The following SLC8A1 variants were observed in gnomAD, a reference collection of about 807,000 sequenced individuals.
SLC8A1 encodes sodium/calcium exchanger 1.
SLC8A1 carries 18 observed loss-of-function variants against 68.3 expected under a neutral mutation model. That is an observed-to-expected ratio of 0.26 (90% confidence interval 0.18 to 0.39). The LOEUF is 0.39. SLC8A1 is among the 10% of genes least tolerant of loss of function. The pLI is 1.00. For missense variants in SLC8A1, 985 were observed against 1,156.7 expected (o/e 0.85, Z 2.15); for synonymous variants, 475 against 415.5 (o/e 1.14, Z -1.74).
intron 2 of SLC8A1, among the ~76,000 whole-genome samples, chr2:40,221,934 G>T (rs901625317): frequency 1.3e-5 from 2 of 152,130 alleles, no homozygotes; most frequent in African/African-American, 4.8e-5. Context: ...CATTTAAATG[G>T]CCATACTGCC....
chr2:40,424,916 C>T (rs1263636534), intron 2 of SLC8A1, among the ~76,000 whole-genome samples: 1 of 151,786 alleles, frequency 6.6e-6, no homozygotes, highest in South Asian at 2.1e-4. Flanking sequence ...AAATACCAAA[C>T]AATATTTTGT....
chr2:40,248,546 T>C (rs1251405143), intron 2 of SLC8A1, among the ~76,000 whole-genome samples: 1 of 152,222 alleles, frequency 6.6e-6, no homozygotes, highest in Non-Finnish European at 1.5e-5. Context: ...TCTGGAACTG[T>C]GGGAAATACA....
intron 2 of SLC8A1, among the ~76,000 whole-genome samples, chr2:40,349,140 A>T (rs1198771242): frequency 1.3e-5 from 2 of 152,196 alleles, no homozygotes; most frequent in Non-Finnish European, 2.9e-5. Flanking sequence ...AAATGAAGGA[A>T]AATTAAGAGT....
At position 40,383,204 on chromosome 2, in the gene SLC8A1, A is replaced by G. The variant is rs562890641; in HGVS notation, c.1808+45269T>C. Among the ~76,000 whole-genome samples, 266 of 152,234 alleles carry G rather than the reference A, an allele frequency of 1.7e-3. 1 individual carries two copies. The highest frequency in any genetic ancestry group is 6.1e-3 in the African/African-American group (252 of 41,570). ...ATAATAAACATAAATCATGGAGCAA[A>G]GTTTCATGAATTTTTCACATTTTTT... On this transcript the variant is annotated intron_variant, in intron 2 of 7. Coordinates refer to ENST00000406785, the Ensembl canonical transcript of SLC8A1.
At chr2:40,179,808 G>T (rs1370879980) in intron 2 of SLC8A1, among the ~76,000 whole-genome samples, 1 of 152,100 alleles carries the variant, frequency 6.6e-6, no homozygotes, top group Non-Finnish European at 1.5e-5. Context: ...CTAATATGAA[G>T]GAGTCATAGG....
At chr2:40,179,656 C>T (rs1402990378) in intron 2 of SLC8A1, among the ~76,000 whole-genome samples, 1 of 152,172 alleles carries the variant, frequency 6.6e-6, no homozygotes, top group Non-Finnish European at 1.5e-5. Context: ...GGAATTTTAA[C>T]AGCATGGCCA....
intron 2 of SLC8A1, among the ~76,000 whole-genome samples, chr2:40,411,698 G>T (rs1023052229): frequency 9.9e-5 from 15 of 151,910 alleles, no homozygotes; most frequent in Admixed American, 9.9e-4. Flanking sequence ...AGACTTTAAA[G>T]AATTTTATTC....
At chr2:40,200,247 T>TATATAAAA (rs1558723396) in intron 2 of SLC8A1, among the ~76,000 whole-genome samples, 26 of 18,014 alleles carry the variant, frequency 1.4e-3, no homozygotes, top group African/African-American at 3.5e-3. Flanking sequence ...TAAATATATA[T>TATATAAAA]ATATATATAT....
chr2:40,301,545 G>A (rs1230148679), intron 2 of SLC8A1, among the ~76,000 whole-genome samples: 1 of 152,100 alleles, frequency 6.6e-6, no homozygotes, highest in African/African-American at 2.4e-5. Context: ...TAAGCTATGA[G>A]GATGCAAAGG....
At chr2:40,399,406 G>C (rs1011843294) in intron 2 of SLC8A1, among the ~76,000 whole-genome samples, 14 of 152,040 alleles carry the variant, frequency 9.2e-5, no homozygotes, top group African/African-American at 3.1e-4. Flanking sequence ...ACGCCAGGTA[G>C]ATTATGGCCA....
upstream of SLC8A1, among the ~76,000 whole-genome samples, chr2:40,454,650 T>C (rs1702896957): frequency 6.6e-6 from 1 of 152,210 alleles, no homozygotes; most frequent in African/African-American, 2.4e-5. Context: ...AGAGGCAGCC[T>C]AGTGCCTAGT....
intron 2 of SLC8A1, among the ~76,000 whole-genome samples, chr2:40,225,850 G>C (rs1386755080): frequency 2.6e-5 from 4 of 152,240 alleles, no homozygotes; most frequent in Admixed American, 1.3e-4. Context: ...AATTTTGTGA[G>C]CTGCCAGACA....
intron 2 of SLC8A1, among the ~76,000 whole-genome samples, chr2:40,190,925 C>T: frequency 6.6e-6 from 1 of 152,136 alleles, no homozygotes; most frequent in East Asian, 1.9e-4. Flanking sequence ...TGGTCAATAA[C>T]TGTGTGTGTG....
intron 2 of SLC8A1, among the ~76,000 whole-genome samples, chr2:40,238,105 G>A (rs1368908855): frequency 1.3e-5 from 2 of 152,232 alleles, no homozygotes; most frequent in African/African-American, 2.4e-5. Flanking sequence ...GAGGCAGGCA[G>A]GCCTCCTTGA....
chr2:40,231,940 C>T (rs1051499574), intron 2 of SLC8A1, among the ~76,000 whole-genome samples: 4 of 152,072 alleles, frequency 2.6e-5, no homozygotes, highest in Admixed American at 6.6e-5. Context: ...AGGAGGGACT[C>T]GACGAGGAAC....
intron 2 of SLC8A1, among the ~76,000 whole-genome samples, chr2:40,187,596 AT>A (rs2050932761): frequency 1.3e-5 from 2 of 152,154 alleles, no homozygotes; most frequent in South Asian, 4.1e-4. Flanking sequence ...CAACCAGTTC[AT>A]TTTGTCAAAT....
chr2:40,451,785 A>ACACACACACACACACAC (rs1576593602), intron 1 of SLC8A1, 119 bp downstream of exon 1: 9 of 151,260 alleles, frequency 6.0e-5, no homozygotes, highest in African/African-American at 1.0e-4. Context: ...ACACACACAC[A>ACACACACACACACACAC]AATTTAGAAG....
intron 2 of SLC8A1, among the ~76,000 whole-genome samples, chr2:40,315,568 A>G (rs2074336219): frequency 6.6e-6 from 1 of 151,700 alleles, no homozygotes; most frequent in Non-Finnish European, 1.5e-5. Flanking sequence ...AGTGAATTTT[A>G]AAGTTGGTAT....
At chr2:40,116,217 A>G (rs1051733622) in intron 7 of SLC8A1, among the ~76,000 whole-genome samples, 3 of 152,218 alleles carry the variant, frequency 2.0e-5, no homozygotes, top group African/African-American at 7.2e-5. Flanking sequence ...AAACAATTGA[A>G]CTATAATAGA....
Sources: gnomAD v4.1 joint callset for allele counts (sites outside exome capture counted in the v4.1 genomes callset) on GRCh38, gnomAD v4.1.1 for gene constraint, MANE v1.5 for transcripts, NCBI Gene and HGNC (gene_info 2026-07-23, HGNC 2026-07-21) for gene names.